CPNE9: variants seen among roughly 807,000 people sequenced by gnomAD.
CPNE9 encodes the protein copine-9.
A neutral mutation model predicts 83.0 loss-of-function variants in CPNE9; 59 were observed. That is an observed-to-expected ratio of 0.71 (90% confidence interval 0.58 to 0.88). The LOEUF (loss-of-function observed/expected upper bound fraction) is 0.88. CPNE9 is among the 40% of genes least tolerant of loss of function. CPNE9 has a pLI of 0.00. For missense variants in CPNE9, 619 were observed against 720.8 expected, an observed-to-expected ratio of 0.86 and a Z score of 1.62; for synonymous variants, 256 against 273.4, an observed-to-expected ratio of 0.94 and a Z score of 0.63.
intron 17 of CPNE9, among the ~76,000 whole-genome samples, chr3:9,723,461 G>A (rs1444324984): frequency 1.3e-5 from 2 of 151,254 alleles, no homozygotes; most frequent in African/African-American, 4.9e-5. Flanking sequence ...AACAGAGCGA[G>A]ACTCTGTCTC....
intron 7 of CPNE9, among the ~76,000 whole-genome samples, chr3:9,708,490 C>A (rs1175239722): frequency 6.6e-6 from 1 of 152,192 alleles, no homozygotes; most frequent in Non-Finnish European, 1.5e-5. Context: ...GAGTTACCAA[C>A]CACATCAAAT....
chr3:9,728,307 G>A (rs1486699719), intron 20 of CPNE9, among the ~76,000 whole-genome samples: 1 of 152,158 alleles, frequency 6.6e-6, no homozygotes, highest in Non-Finnish European at 1.5e-5. Context: ...GGACAACATA[G>A]CAAGACCTGA....
chr3:9,706,889 A>T (rs1236937656), intron 7 of CPNE9, among the ~76,000 whole-genome samples: 1 of 152,200 alleles, frequency 6.6e-6, no homozygotes, highest in Non-Finnish European at 1.5e-5. Context: ...GAGGCCAGCA[A>T]GACTGGAGCC....
intron 17 of CPNE9, among the ~76,000 whole-genome samples, chr3:9,724,263 A>G (rs967270297): frequency 5.3e-5 from 8 of 151,772 alleles, no homozygotes; most frequent in Non-Finnish European, 1.0e-4. Flanking sequence ...TTCAGGTGGA[A>G]AAAAAATCTT....
intron 17 of CPNE9, among the ~76,000 whole-genome samples, chr3:9,725,644 G>GTGTATATATGTGTATATA (rs1559645971): frequency 4.2e-4 from 39 of 91,934 alleles, no homozygotes; most frequent in Admixed American, 3.6e-3. Flanking sequence ...ATACATGTAT[G>GTGTATATATGTGTATATA]TGTATATATG....
chr3:9,712,409 AG>A, intron 7 of CPNE9, 131 bp from the exon 8 acceptor site: 1 of 748,894 alleles, frequency 1.3e-6, no homozygotes, highest in Non-Finnish European at 2.4e-6. Flanking sequence ...CCTCACCAGA[AG>A]GCACTCAAGA....
intron 17 of CPNE9, among the ~76,000 whole-genome samples, chr3:9,721,327 GA>G (rs2125473015): frequency 1.3e-5 from 2 of 152,362 alleles, no homozygotes; most frequent in East Asian, 3.9e-4. Context: ...CAGTCAGGCT[GA>G]AAATGTCTTT....
At chr3:9,709,516 C>A (rs1024185100) in intron 7 of CPNE9, among the ~76,000 whole-genome samples, 1 of 151,054 alleles carries the variant, frequency 6.6e-6, no homozygotes, top group Non-Finnish European at 1.5e-5. Context: ...TTACAGGCGC[C>A]TGCCACCGCG....
At chr3:9,712,500 T>C (rs778975662) in intron 7 of CPNE9, 41 bp from the exon 8 acceptor site, 3 of 1,565,322 alleles carry the variant, frequency 1.9e-6, no homozygotes, top group East Asian at 2.2e-5. Flanking sequence ...CCTTGTTGCC[T>C]ACCCTCCCTC....
At chr3:9,712,084 T>G (rs2076635499) in intron 7 of CPNE9, among the ~76,000 whole-genome samples, 1 of 152,110 alleles carries the variant, frequency 6.6e-6, no homozygotes, top group Non-Finnish European at 1.5e-5. Flanking sequence ...CAGCATATAG[T>G]AAGAACCAGA....
intron 17 of CPNE9, 148 bp downstream of exon 17, chr3:9,718,750 C>A: frequency 1.0e-6 from 1 of 957,830 alleles, no homozygotes; most frequent in East Asian, 2.7e-5. Flanking sequence ...CCTGTAATCC[C>A]AACACTTTGG....
chr3:9,721,578 A>C (rs931942182), intron 17 of CPNE9, among the ~76,000 whole-genome samples: 1 of 152,174 alleles, frequency 6.6e-6, no homozygotes, highest in Non-Finnish European at 1.5e-5. Flanking sequence ...CCAGTACCAT[A>C]AAGGGGACTG....
At position 9,713,067 on chromosome 3, in the gene CPNE9, G is replaced by T. The variant is rs369110890; in HGVS notation, c.638G>T (p.Gly213Val). ...ATCCCTGTGCGGGCTCTGTGCAATG[G>T]AGACTATGACAGGTTGGCTCCAGCA... is the stretch of plus-strand genomic sequence containing the variant. ...FSIPVRALCN[G>V]DYDRTVKIDV... Residue 213 changes from glycine to valine, a missense_variant, in exon 10 of 21, where the codon GGA becomes GTA. Around this residue, in one of 3 missense-constraint regions of CPNE9, gnomAD observed 438 missense variants for 562.9 expected, o/e 0.78. Transcript: ENST00000383832. 6.2e-7 allele frequency: 1 copy of T among 1,613,938 alleles called. No individual in the cohort carries two copies. The highest frequency in any genetic ancestry group is 1.7e-5 in the Admixed American group (1 of 60,034).
rs1559633537 is a variant in CPNE9, at chr3:9,704,562, C to G, written c.69-25C>G. 13 of 1,606,974 alleles carry G rather than the reference C, an allele frequency of 8.1e-6. No individual in the cohort carries two copies. The highest frequency in any genetic ancestry group is 1.1e-5 in the South Asian group (1 of 90,944). The stretch of plus-strand genomic sequence containing the variant: ...CGGGCGGACTCCAGGATGATCCACT[C>G]TGTCTGTCTGTTGCTTTTCTCTAGG... On this transcript the variant is annotated intron_variant, in intron 1 of 20. Coordinates refer to ENST00000383832, the MANE Select transcript of CPNE9 (RefSeq NM_153635.3). The surrounding 1 kb of genome is among the most constrained non-coding windows in gnomAD (Gnocchi z 7.1).
intron 14 of CPNE9, 28 bp downstream of exon 14, chr3:9,716,063 A>T: frequency 6.3e-7 from 1 of 1,585,062 alleles, no homozygotes; most frequent in Non-Finnish European, 8.6e-7. Context: ...CTCTGGGCTG[A>T]AAGCCCGGCA....
chr3:9,707,261 G>A (rs1489281544), intron 7 of CPNE9, among the ~76,000 whole-genome samples: 3 of 148,252 alleles, frequency 2.0e-5, no homozygotes, highest in African/African-American at 7.4e-5. Flanking sequence ...GCTGAGGGAG[G>A]AGAATGGCGT....
chr3:9,724,176 C>T (rs1007938482), intron 17 of CPNE9, among the ~76,000 whole-genome samples: 6 of 151,118 alleles, frequency 4.0e-5, no homozygotes, highest in Non-Finnish European at 7.4e-5. Flanking sequence ...TACCTTTGTG[C>T]CCTCTCTAGG....
rs370098535 is a variant in CPNE9, at chr3:9,718,504, G to A, written c.1143G>A (p.Ala381=). The change falls in exon 17 of 21, where the codon GCG becomes GCA. Residue 381 remains alanine (A), a synonymous_variant. Coordinates refer to ENST00000383832, the MANE Select transcript of CPNE9 (RefSeq NM_153635.3). ...LNNNDEDPNC[A]GIEGVLESYF... is the part of the protein sequence containing the mutation. ...ACAATGATGAGGACCCCAACTGTGC[G>A]GGCATCGAGGGTGTGCTGGAGAGCT... 28 of 1,613,366 alleles carry A rather than the reference G, an allele frequency of 1.7e-5. No homozygotes were observed. The highest frequency in any genetic ancestry group is 6.7e-5 in the African/African-American group (5 of 74,874).
At chr3:9,716,777 G>T (rs116338820) in intron 14 of CPNE9, among the ~76,000 whole-genome samples, 1,610 of 152,270 alleles carry the variant, frequency 0.011, 9 homozygotes, top group Non-Finnish European at 0.016. Context: ...GCCAAATGGG[G>T]ATATTAATCA....
Sources: gnomAD v4.1 joint callset for allele counts (sites outside exome capture counted in the v4.1 genomes callset) on GRCh38, gnomAD v4.1.1 for gene constraint, gnomAD v4.1.1 regional missense constraint, Gnocchi (gnomAD v3.1) non-coding constraint, MANE v1.5 for transcripts, NCBI Gene and HGNC (gene_info 2026-07-23, HGNC 2026-07-21) for gene names.